The following ODAD1 variants were observed in gnomAD, a reference collection of about 807,000 sequenced individuals.
ODAD1 encodes outer dynein arm-docking complex subunit 1.
Under a neutral mutation model 67.2 loss-of-function variants are expected in ODAD1, and 49 were observed. That is an observed-to-expected ratio of 0.73 (90% CI 0.58 to 0.92). The LOEUF (loss-of-function observed/expected upper bound fraction) is 0.92, where lower values mean the gene tolerates loss of function less well. Ranked by LOEUF, ODAD1 falls within the 40% of genes least tolerant of loss-of-function variation. ODAD1 has a pLI of 0.00. For synonymous variants in ODAD1, 345 were observed against 393.7 expected (o/e 0.88, Z 1.46); for missense variants, 897 against 953.7 (o/e 0.94, Z 0.78).
chr19:48,303,424 T>TG, intron 10 of ODAD1: 1 of 598,894 alleles, frequency 1.7e-6, no homozygotes. Context: ...GAGGGAAGGA[T>TG]GTGGAGAGTG....
intron 3 of ODAD1, 57 bp downstream of exon 3, chr19:48,320,242 G>C: frequency 8.9e-7 from 1 of 1,125,112 alleles, no homozygotes; most frequent in Non-Finnish European, 1.2e-6. Flanking sequence ...CCTGGAACTT[G>C]GGAAAGCTGG....
intron 5 of ODAD1, among the ~76,000 whole-genome samples, chr19:48,314,679 G>T (rs1238369370): frequency 6.6e-6 from 1 of 152,028 alleles, no homozygotes; most frequent in African/African-American, 2.4e-5. Flanking sequence ...AGTGTCTCAC[G>T]CCTGTAATCC....
At chr19:48,307,165 C>T (rs993973759) in intron 7 of ODAD1, among the ~76,000 whole-genome samples, 2 of 146,656 alleles carry the variant, frequency 1.4e-5, no homozygotes, top group African/African-American at 5.1e-5. Flanking sequence ...GCCTGGGCAA[C>T]AAGAGTGAGA....
chr19:48,320,393 T>C lies in ODAD1; in HGVS notation c.-23-2A>G. Reference sequence around the variant, plus strand: ...TCCTGGCCAAACAGGGTGGGGCTCCTGTAGGGATGGACATATAAGACCCTT... The same window carrying C: ...TCCTGGCCAAACAGGGTGGGGCTCCCGTAGGGATGGACATATAAGACCCTT... On this transcript the variant is annotated splice_acceptor_variant, in intron 2 of 15. Coordinates refer to ENST00000674294, the MANE Select transcript of ODAD1 (RefSeq NM_001364171.2). LOFTEE classifies it low-confidence loss of function (5UTR_SPLICE). 1.6e-6 allele frequency: 2 copies of C among 1,284,156 alleles called. No individual in the cohort carries two copies. The highest frequency in any genetic ancestry group is 2.0e-6 in the Non-Finnish European group (2 of 985,418). 79.5% of individuals were successfully genotyped at this position (1,284,156 alleles called of 1,614,324 possible). A position where few individuals can be genotyped will look rare whatever the true frequency, so the allele number is the denominator to read the frequency against.
At chr19:48,321,626 G>C (rs1048811301) in intron 1 of ODAD1, 52 bp downstream of exon 1, 1 of 378,580 alleles carries the variant, frequency 2.6e-6, no homozygotes, top group Non-Finnish European at 4.7e-6. Context: ...TTGAAGGCCT[G>C]CGGGAGGTCG....
At chr19:48,302,087 G>GAT (rs1968477940) in intron 12 of ODAD1, among the ~76,000 whole-genome samples, 11 of 150,068 alleles carry the variant, frequency 7.3e-5, no homozygotes, top group African/African-American at 2.2e-4. Flanking sequence ...TGGATGGATG[G>GAT]GTGGATGAAT....
In ODAD1 at chr19:48,318,697, C is replaced by T. The variant is rs1454272418; in HGVS notation, c.170+16G>A. 4 of 1,544,050 alleles carry T rather than the reference C, an allele frequency of 2.6e-6. No individual in the cohort carries two copies. Among genetic ancestry groups the T allele is most frequent in the Non-Finnish European group, 2.6e-6 (3 of 1,140,278 alleles). On this transcript the variant is annotated intron_variant, in intron 4 of 15. Coordinates refer to ENST00000674294, the MANE Select transcript of ODAD1 (RefSeq NM_001364171.2). Reference sequence around the variant, plus strand: ...ACCCCCTCCTCCCCAGCTCAGGGCCCAGGCGCCCAGCTCACAGTTGCTTGT... The same window carrying T: ...ACCCCCTCCTCCCCAGCTCAGGGCCTAGGCGCCCAGCTCACAGTTGCTTGT...
Position 48,297,987 on chromosome 19 carries a change from C to T in ODAD1, c.1502+13G>A. 6.2e-7 allele frequency: 1 copy of T among 1,604,826 alleles called. No homozygotes were observed. The highest frequency in any genetic ancestry group is 1.3e-5 in the African/African-American group (1 of 74,838). On this transcript the variant is annotated intron_variant, in intron 14 of 15. Coordinates refer to ENST00000674294, the MANE Select transcript of ODAD1 (RefSeq NM_001364171.2). Reference sequence around the variant, plus strand: ...CCCCGTCCCCTCTGCGTCCCTCCTGCCCTGCGCCTCACAGAGTGTCAGGGG... The same window carrying T: ...CCCCGTCCCCTCTGCGTCCCTCCTGTCCTGCGCCTCACAGAGTGTCAGGGG...
intron 5 of ODAD1, among the ~76,000 whole-genome samples, chr19:48,317,681 A>ATTTTT (rs534720024): frequency 7.6e-5 from 11 of 144,282 alleles, no homozygotes; most frequent in Admixed American, 5.6e-4. Flanking sequence ...AATAGCCCCG[A>ATTTTT]TTTTTTTTTT....
At position 48,304,113 on chromosome 19, in the gene ODAD1, C is replaced by A; in HGVS notation, c.693G>T (p.Leu231Phe). The A allele has an allele frequency of 6.2e-7, 1 of 1,611,634 alleles. No homozygotes were observed. ...VREEAKAKMG[L>F]LRERAEKEEA... ...CCTCTTTCTCCGCGCGCTCCCGCAGCAAGCCCATCTTGGCCTTCGCCTCCT... is the reference window on the plus strand; with the variant it reads ...CCTCTTTCTCCGCGCGCTCCCGCAGAAAGCCCATCTTGGCCTTCGCCTCCT... Residue 231 changes from leucine to phenylalanine, a missense_variant, in exon 9 of 16, where the codon TTG (leucine) becomes TTT (phenylalanine). Coordinates refer to ENST00000674294, the MANE Select transcript of ODAD1 (RefSeq NM_001364171.2).
At position 48,296,643 on chromosome 19, in the gene ODAD1, A is replaced by G. The variant is rs112288383; in HGVS notation, c.*333T>C. On this transcript the variant is annotated 3_prime_UTR_variant, in exon 16 of 16. Coordinates refer to ENST00000674294, the MANE Select transcript of ODAD1 (RefSeq NM_001364171.2). ...TGGAGATGAGGAGAGAGAGCCGGAAACAGGAGGTGGGGGATCCACAGGGGG... is the reference window on the plus strand; with the variant it reads ...TGGAGATGAGGAGAGAGAGCCGGAAGCAGGAGGTGGGGGATCCACAGGGGG... The G allele has an allele frequency of 1.3e-5, 6 of 467,718 alleles. No individual in the cohort carries two copies. The highest frequency in any genetic ancestry group is 1.2e-4 in the African/African-American group (6 of 48,190). 29.0% of individuals were successfully genotyped at this position (467,718 alleles called of 1,614,324 possible). A position where few individuals can be genotyped will look rare whatever the true frequency, so the allele number is the denominator to read the frequency against.
chr19:48,306,153 C>G (rs1456360494), intron 8 of ODAD1, 103 bp downstream of exon 8: 1 of 1,497,012 alleles, frequency 6.7e-7, no homozygotes, highest in Non-Finnish European at 9.0e-7. Context: ...AAAATAGGTT[C>G]TGACGTGTTT....
rs374830417 is a variant in ODAD1 at position 48,304,573 on chromosome 19, C to T, written c.666-433G>A. On this transcript the variant is annotated intron_variant, in intron 8 of 15. Coordinates refer to ENST00000674294, the MANE Select transcript of ODAD1 (RefSeq NM_001364171.2). ...GGTGAAGATTGCAGTGAGCTGAGAT[C>T]GCACCACTGCACTCCAGCCTGGGTG... 3.1e-4 allele frequency among the ~76,000 whole-genome samples: 47 copies of T among 151,002 alleles called. No homozygotes were observed. The South Asian group carries it at 9.4e-3, about 30-fold the overall frequency.
In ODAD1 at chr19:48,297,426, G is replaced by C; in HGVS notation, c.1674C>G (p.Ala558=). 1 of 1,604,454 alleles carries C rather than the reference G, an allele frequency of 6.2e-7. No homozygotes were observed. Among genetic ancestry groups the C allele is most frequent in the Non-Finnish European group, 8.5e-7 (1 of 1,179,458 alleles). The change falls in exon 16 of 16, where the codon GCC becomes GCG. Residue 558 remains alanine, a synonymous_variant. Coordinates refer to ENST00000674294, the MANE Select transcript of ODAD1 (RefSeq NM_001364171.2). ...TACTGGAGCCGGCCCTCTGGGTGCT[G>C]GCCAGGTCCACGCTCAGGGTGCCGT... ...KLDGTLSVDL[A]STQRAGSSTV...
chr19:48,307,909 C>T (rs1310066710), intron 7 of ODAD1, among the ~76,000 whole-genome samples: 1 of 151,810 alleles, frequency 6.6e-6, no homozygotes, highest in Non-Finnish European at 1.5e-5. Flanking sequence ...AGAAAAATGG[C>T]CAACCCCAGG....
At position 48,302,840 on chromosome 19, in the gene ODAD1, G is replaced by A. The variant is rs1029994161; in HGVS notation, c.1094C>T (p.Ala365Val). 1.9e-6 allele frequency: 3 copies of A among 1,613,988 alleles called. No homozygotes were observed. The highest frequency in any genetic ancestry group is 1.7e-6 in the Non-Finnish European group (2 of 1,179,964). The change falls in exon 12 of 16, where the codon GCA (alanine) becomes GTA (valine). Residue 365 changes from alanine to valine, a missense_variant. Ala to Val is a moderately conservative substitution (Grantham distance 64, BLOSUM62 0). Transcript: ENST00000674294. The part of the protein sequence containing the change: ...IKEMQEALVS[A>V]RASKDDQHLL... ...ATGCTGGTCATCCTTGCTGGCACGT[G>A]CGCTCACCAAAGCCTCCTGCATCTG...
intron 7 of ODAD1, among the ~76,000 whole-genome samples, chr19:48,309,119 G>A (rs1600866888): frequency 6.6e-6 from 1 of 152,046 alleles, no homozygotes; most frequent in Non-Finnish European, 1.5e-5. Context: ...AGGCTCGAGC[G>A]TGTCTGCTCC....
intron 12 of ODAD1, among the ~76,000 whole-genome samples, chr19:48,301,815 CTGGATGGATGGATGGA>C (rs201641397): frequency 3.1e-4 from 45 of 145,424 alleles, no homozygotes; most frequent in Middle Eastern, 3.8e-3. Context: ...GGAATAGATC[CTGGATGGATGGATGGA>C]TGGATGGATG....
chr19:48,321,409 AGAGT>A (rs1969026372), intron 1 of ODAD1: 1 of 164,686 alleles, frequency 6.1e-6, no homozygotes, highest in East Asian at 1.6e-4. Flanking sequence ...ACCTGTGAGG[AGAGT>A]GAGTGGGAAG....
Sources: gnomAD v4.1 joint callset for allele counts (sites outside exome capture counted in the v4.1 genomes callset) on GRCh38, gnomAD v4.1.1 for gene constraint, MANE v1.5 for transcripts, NCBI Gene and HGNC (gene_info 2026-07-23, HGNC 2026-07-21) for gene names.